Variants in MAPKAPK3 observed in about 807,000 individuals in gnomAD.
MAPKAPK3 encodes the protein MAP kinase-activated protein kinase 3.
A neutral mutation model predicts 49.2 loss-of-function variants in MAPKAPK3; 35 were observed. The observed-to-expected ratio is 0.71, with a 90% CI of 0.54 to 0.94. The LOEUF is 0.94. MAPKAPK3 is among the 40% of genes least tolerant of loss of function. The probability of loss-of-function intolerance (pLI) is 0.00; values close to 1 mark genes in which losing one functional copy is unlikely to be tolerated. For synonymous variants in MAPKAPK3, 178 were observed against 188.7 expected (o/e 0.94, Z 0.46); for missense variants, 398 against 493.1 (o/e 0.81, Z 1.83).
At chr3:50,646,465 A>G (rs1420883164) in intron 8 of MAPKAPK3, among the ~76,000 whole-genome samples, 1 of 152,128 alleles carries the variant, frequency 6.6e-6, no homozygotes, top group Non-Finnish European at 1.5e-5. Context: ...TTGCCTCCTC[A>G]AAACTCCCTC....
intron 2 of MAPKAPK3, among the ~76,000 whole-genome samples, chr3:50,624,422 G>A (rs1406394241): frequency 2.0e-5 from 3 of 152,146 alleles, no homozygotes; most frequent in African/African-American, 7.2e-5. Flanking sequence ...ACCTCAGCAG[G>A]GCCGGTGTCA....
At chr3:50,631,614 G>A (rs2032912732) in intron 2 of MAPKAPK3, among the ~76,000 whole-genome samples, 1 of 152,210 alleles carries the variant, frequency 6.6e-6, no homozygotes, top group Non-Finnish European at 1.5e-5. Flanking sequence ...CTATTCCAGT[G>A]GTGTCTCTTA....
At chr3:50,638,877 C>T (rs1221537763) in intron 2 of MAPKAPK3, among the ~76,000 whole-genome samples, 1 of 152,238 alleles carries the variant, frequency 6.6e-6, no homozygotes, top group Non-Finnish European at 1.5e-5. Context: ...AGTGCTGATC[C>T]GAGCCCCGGT....
intron 2 of MAPKAPK3, among the ~76,000 whole-genome samples, chr3:50,618,779 T>A (rs1010013648): frequency 1.3e-5 from 2 of 152,132 alleles, no homozygotes; most frequent in African/African-American, 4.8e-5. Flanking sequence ...AACCTCCACC[T>A]CCCAGGTTCA....
chr3:50,614,509 G>GTGTA (rs1553624731), upstream of MAPKAPK3, among the ~76,000 whole-genome samples: 1 of 124,318 alleles, frequency 8.0e-6, no homozygotes, highest in Non-Finnish European at 1.9e-5. Flanking sequence ...GAGTGTGTGT[G>GTGTA]TGTGTGTGTG....
upstream of MAPKAPK3, chr3:50,613,796 G>A (rs2032397365): frequency 6.6e-6 from 1 of 152,186 alleles, no homozygotes; most frequent in Admixed American, 6.5e-5. Context: ...TTACAGGTGA[G>A]AAAACTGAGG....
chr3:50,621,076 T>G (rs1575996097), intron 2 of MAPKAPK3, among the ~76,000 whole-genome samples: 1 of 152,078 alleles, frequency 6.6e-6, no homozygotes, highest in East Asian at 1.9e-4. Context: ...AGGCCCGAAT[T>G]TTCTCCCCTC....
intron 2 of MAPKAPK3, among the ~76,000 whole-genome samples, chr3:50,631,126 T>C (rs1206025547): frequency 2.0e-5 from 3 of 148,962 alleles, no homozygotes; most frequent in Non-Finnish European, 3.0e-5. Context: ...CGAGGTCTCA[T>C]CTGGCAGGAG....
chr3:50,626,030 T>C (rs1341040718), intron 2 of MAPKAPK3, among the ~76,000 whole-genome samples: 1 of 152,074 alleles, frequency 6.6e-6, no homozygotes, highest in East Asian at 1.9e-4. Flanking sequence ...GTCAGAACAG[T>C]GGACTCAGGA....
At chr3:50,611,797 C>G (rs1403360647), upstream of MAPKAPK3, 1 of 1,109,066 alleles carries the variant, frequency 9.0e-7, no homozygotes, top group Non-Finnish European at 1.2e-6. Flanking sequence ...CGCGGACCGC[C>G]TGCGAGGGCG....
At chr3:50,631,911 G>T (rs561622366) in intron 2 of MAPKAPK3, among the ~76,000 whole-genome samples, 3 of 152,334 alleles carry the variant, frequency 2.0e-5, no homozygotes, top group African/African-American at 7.2e-5. Flanking sequence ...TTTGCCTGAG[G>T]CTGGGATGAG....
At chr3:50,627,681 C>A (rs1289738077) in intron 2 of MAPKAPK3, among the ~76,000 whole-genome samples, 1 of 152,152 alleles carries the variant, frequency 6.6e-6, no homozygotes, top group African/African-American at 2.4e-5. Flanking sequence ...AGGCCACCAC[C>A]CTGGTCCCCT....
At chr3:50,641,449 A>G (rs1221719496) in intron 3 of MAPKAPK3, among the ~76,000 whole-genome samples, 1 of 152,194 alleles carries the variant, frequency 6.6e-6, no homozygotes, top group Non-Finnish European at 1.5e-5. Flanking sequence ...GGGCCGTGCC[A>G]CTGGGAACAC....
At chr3:50,632,224 G>C (rs55852549) in intron 2 of MAPKAPK3, among the ~76,000 whole-genome samples, 13,693 of 152,234 alleles carry the variant, frequency 0.09, 747 homozygotes, top group Middle Eastern at 0.18. Context: ...TTAGAATTTC[G>C]TCCTAGAAAA....
Position 50,642,187 on chromosome 3 carries a change from G to C in MAPKAPK3, c.425-66G>C, listed in dbSNP as rs1025497321. 7 of 1,024,076 alleles carry C rather than the reference G, an allele frequency of 6.8e-6. No individual in the cohort carries two copies. In the African/African-American group the frequency reaches 9.4e-5, roughly 14 times the overall value. The allele number at this position is 1,024,076 out of a possible 1,614,324, so 63.4% of individuals were successfully genotyped here. ...TGGCCTGTTAGACTGTGTCCAGGAG[G>C]GATGATAGGGTGGGGGCTTGACCTT... On this transcript the variant is annotated intron_variant, in intron 4 of 10. Coordinates refer to ENST00000621469, the MANE Select transcript of MAPKAPK3 (RefSeq NM_001243925.2).
In MAPKAPK3 at chr3:50,644,615, CA is replaced by C. The variant is rs2033246979; in HGVS notation, c.628+86del. 2.0e-6 allele frequency: 3 copies of C among 1,468,668 alleles called. No homozygotes were observed. In the Admixed American group the frequency reaches 5.3e-5, roughly 26 times the overall value. The allele number at this position is 1,468,668 out of a possible 1,614,324, so 91.0% of individuals were successfully genotyped here. ...GGGGTAGCCAGTGGGTTGCAGAAAC[CA>C]AAGGGTTAAAGCCCAGCAAGGAGGG... On this transcript the variant is annotated intron_variant, in intron 6 of 10. Transcript: ENST00000621469.
upstream of MAPKAPK3, chr3:50,611,768 A>C (rs2107562347): frequency 7.6e-7 from 1 of 1,319,872 alleles, no homozygotes; most frequent in Admixed American, 4.1e-5. Flanking sequence ...GGCGCAGGAC[A>C]GGGACTGAGA....
At chr3:50,635,406 C>CTTTTTTTTTTTTT (rs386396609) in intron 2 of MAPKAPK3, among the ~76,000 whole-genome samples, 1 of 48,580 alleles carries the variant, frequency 2.1e-5, no homozygotes, top group Non-Finnish European at 3.3e-5. Flanking sequence ...TCAATTTAAT[C>CTTTTTTTTTTTTT]TTTTTTTTTT....
chr3:50,621,224 G>A (rs1436301793), intron 2 of MAPKAPK3, among the ~76,000 whole-genome samples: 2 of 152,204 alleles, frequency 1.3e-5, no homozygotes, highest in South Asian at 2.1e-4. Flanking sequence ...TTGGGAGGCT[G>A]AGGCAGGAGG....
Sources: gnomAD v4.1 joint callset for allele counts (sites outside exome capture counted in the v4.1 genomes callset) on GRCh38, gnomAD v4.1.1 for gene constraint, MANE v1.5 for transcripts, NCBI Gene and HGNC (gene_info 2026-07-23, HGNC 2026-07-21) for gene names.